LRP1B: variants seen among roughly 807,000 people sequenced by gnomAD.
LRP1B encodes the protein LDL receptor related protein 1B.
LRP1B carries 217 observed loss-of-function variants against 556.6 expected under a neutral mutation model. The observed-to-expected ratio is 0.39, with a 90% confidence interval of 0.35 to 0.44. The LOEUF (loss-of-function observed/expected upper bound fraction) is 0.44. Ranked by LOEUF, LRP1B falls within the 20% of genes least tolerant of loss-of-function variation. The pLI is 1.00. For synonymous variants in LRP1B, 2,047 were observed against 1,865.8 expected (o/e 1.10, Z -2.50); for missense variants, 5,053 against 5,620.8 (o/e 0.90, Z 3.23).
At chr2:141,142,412 C>T (rs1701675004) in intron 7 of LRP1B, among the ~76,000 whole-genome samples, 1 of 152,146 alleles carries the variant, frequency 6.6e-6, no homozygotes, top group African/African-American at 2.4e-5. Context: ...GTGAAAGGTC[C>T]TTTCTTCCCT....
intron 6 of LRP1B, among the ~76,000 whole-genome samples, chr2:141,214,986 T>C (rs1046793280): frequency 6.6e-6 from 1 of 152,232 alleles, no homozygotes; most frequent in African/African-American, 2.4e-5. Context: ...AAATGGGATA[T>C]AGAGCTTATA....
At chr2:140,755,595 G>GA (rs36098165) in intron 35 of LRP1B, among the ~76,000 whole-genome samples, 5 of 151,362 alleles carry the variant, frequency 3.3e-5, no homozygotes, top group African/African-American at 4.8e-5. Context: ...CAGTAGGTAT[G>GA]AAAAAAAAGC....
intron 1 of LRP1B, among the ~76,000 whole-genome samples, chr2:141,818,447 C>T (rs1327506314): frequency 1.2e-4 from 18 of 150,340 alleles, no homozygotes; most frequent in African/African-American, 3.7e-4. Flanking sequence ...ATACTTTCTT[C>T]TACTGTCATT....
intron 7 of LRP1B, among the ~76,000 whole-genome samples, chr2:141,129,955 A>G (rs1266085244): frequency 1.3e-5 from 2 of 152,084 alleles, no homozygotes; most frequent in African/African-American, 4.8e-5. Flanking sequence ...GTTATCATGG[A>G]CTAGACGTAA....
chr2:140,280,265 T>TTCC (rs1553438482), intron 84 of LRP1B, among the ~76,000 whole-genome samples: 7 of 151,746 alleles, frequency 4.6e-5, no homozygotes, highest in Non-Finnish European at 1.0e-4. Flanking sequence ...TAGTAATTAG[T>TTCC]AGCACTAAAA....
At chr2:140,321,582 TA>T (rs1248907312) in intron 82 of LRP1B, among the ~76,000 whole-genome samples, 1 of 152,012 alleles carries the variant, frequency 6.6e-6, no homozygotes. Flanking sequence ...ACACAAGAGG[TA>T]ATCAATAGAA....
At chr2:141,434,328 C>G (rs1680676122) in intron 3 of LRP1B, among the ~76,000 whole-genome samples, 1 of 152,056 alleles carries the variant, frequency 6.6e-6, no homozygotes, top group Admixed American at 6.6e-5. Context: ...TTATGTACAT[C>G]CAGTTTGTTG....
chr2:141,164,790 G>A (rs1048523414), intron 7 of LRP1B, among the ~76,000 whole-genome samples: 2 of 151,994 alleles, frequency 1.3e-5, no homozygotes, highest in Non-Finnish European at 2.9e-5. Context: ...AGAAGATACA[G>A]AGTCATTCTA....
intron 77 of LRP1B, among the ~76,000 whole-genome samples, chr2:140,342,011 C>A (rs1249864880): frequency 6.6e-6 from 1 of 151,252 alleles, no homozygotes. Flanking sequence ...ATCTAAAAAA[C>A]CACGACGAGA....
In LRP1B at chr2:140,702,453, G is replaced by C; in HGVS notation, c.6124C>G (p.Pro2042Ala). The C allele has an allele frequency of 6.2e-7, 1 of 1,613,510 alleles. No individual in the cohort carries two copies. The highest frequency in any genetic ancestry group is 2.2e-5 in the East Asian group (1 of 44,868). ...TCATAGTCGATGGAGATGCCATTCG[G>C]CCATGCTATTCCCATGCTTACAAGG... is the stretch of plus-strand genomic sequence containing the variant. ...VVLVSMGIAW[P>A]NGISIDYEEN... The change falls in exon 38 of 91, where the codon CCG (proline) becomes GCG (alanine). Residue 2042 changes from proline to alanine, a missense_variant. Transcript: ENST00000389484.
chr2:141,497,553 AG>A (rs2105125410), intron 2 of LRP1B, among the ~76,000 whole-genome samples: 2 of 152,088 alleles, frequency 1.3e-5, no homozygotes, highest in South Asian at 2.1e-4. Context: ...GAGAACAGGA[AG>A]GAAGGTCCAG....
chr2:141,316,290 G>A (rs536310649), intron 3 of LRP1B, among the ~76,000 whole-genome samples: 1 of 152,062 alleles, frequency 6.6e-6, no homozygotes, highest in Admixed American at 6.6e-5. Flanking sequence ...AAGCTTGAGG[G>A]CTTGATTGCC....
chr2:141,782,766 T>C (rs555591496), intron 2 of LRP1B, among the ~76,000 whole-genome samples: 1 of 152,044 alleles, frequency 6.6e-6, no homozygotes, highest in African/African-American at 2.4e-5. Context: ...GGTAAAGTAA[T>C]TGCACTGTCA....
At chr2:140,839,900 T>TTA in intron 31 of LRP1B, 91 bp downstream of exon 31, 1 of 776,736 alleles carries the variant, frequency 1.3e-6, no homozygotes, top group Non-Finnish European at 2.1e-6. Flanking sequence ...TAATCTTTAA[T>TTA]ATTTTCTTTC....
chr2:141,406,439 C>T (rs969413991), intron 3 of LRP1B, among the ~76,000 whole-genome samples: 2 of 151,720 alleles, frequency 1.3e-5, no homozygotes, highest in Admixed American at 6.6e-5. Flanking sequence ...ATAATAAAGG[C>T]AAAATATGAA....
At chr2:140,920,516 T>G (rs150940832) in intron 21 of LRP1B, among the ~76,000 whole-genome samples, 1 of 152,176 alleles carries the variant, frequency 6.6e-6, no homozygotes, top group South Asian at 2.1e-4. Flanking sequence ...AAAGGTCTTA[T>G]AGCTTGTAAA....
chr2:141,016,020 T>G lies in LRP1B; in HGVS notation c.1971-105A>C, dbSNP rs1239836621. 22 of 815,800 alleles carry G rather than the reference T, an allele frequency of 2.7e-5. No homozygotes were observed. The South Asian group carries it at 3.0e-4, about 11-fold the overall frequency. 50.5% of individuals were successfully genotyped at this position (815,800 alleles called of 1,614,324 possible). On this transcript the variant is annotated intron_variant, in intron 12 of 90. Transcript: ENST00000389484. ...AGTTCCATAAATTCTAGTTTCATTCTGATTTGTCCTCCTATCTAAGTGCTT... is the reference window on the plus strand; with the variant it reads ...AGTTCCATAAATTCTAGTTTCATTCGGATTTGTCCTCCTATCTAAGTGCTT...
rs138957822 is a variant in LRP1B, at chr2:141,383,139, T to C, written c.343+97257A>G. ...AAAAGGTGCACAACATCATTTGCCA[T>C]CAGAGAAATGTGAATCAAAACCACA... On this transcript the variant is annotated intron_variant, in intron 3 of 90. Transcript: ENST00000389484. 3.2e-3 allele frequency among the ~76,000 whole-genome samples: 485 copies of C among 152,270 alleles called. 1 individual carries two copies. The highest frequency in any genetic ancestry group is 0.011 in the African/African-American group (459 of 41,558).
intron 41 of LRP1B, among the ~76,000 whole-genome samples, chr2:140,650,275 C>T (rs17497508): frequency 0.073 from 11,016 of 150,904 alleles, 505 homozygotes; most frequent in East Asian, 0.18. Flanking sequence ...CAGCTGGCTC[C>T]GATAGAAAGT....
Sources: allele counts gnomAD v4.1 joint callset (sites outside exome capture counted in the v4.1 genomes callset), GRCh38; gene constraint gnomAD v4.1.1; transcripts MANE v1.5; gene names NCBI Gene and HGNC (gene_info 2026-07-23, HGNC 2026-07-21).